FMN1: variants seen among roughly 807,000 people sequenced by gnomAD.
FMN1 encodes formin 1, also known as formin-1.
In FMN1, 110 loss-of-function variants were observed where a neutral mutation model predicts 132.4. The observed-to-expected ratio is 0.83, with a 90% CI of 0.71 to 0.97. The LOEUF is 0.97. FMN1 is among the 50% of genes least tolerant of loss of function. The pLI, the probability that FMN1 is intolerant of heterozygous loss-of-function variation, is 0.00. For missense variants in FMN1, 1,792 were observed against 1,705.3 expected (o/e 1.05, Z -0.90); for synonymous variants, 722 against 651.7 (o/e 1.11, Z -1.64).
intron 6 of FMN1, among the ~76,000 whole-genome samples, chr15:33,020,661 C>G (rs1217937394): frequency 6.7e-6 from 1 of 149,620 alleles, no homozygotes; most frequent in African/African-American, 2.5e-5. Context: ...AAAAAAGACA[C>G]TATGCTTAGT....
intron 17 of FMN1, among the ~76,000 whole-genome samples, chr15:32,852,199 A>G (rs553850699): frequency 5.3e-5 from 8 of 152,256 alleles, no homozygotes; most frequent in East Asian, 1.9e-4. Flanking sequence ...AGTTGACCTC[A>G]CTGTCTTCCA....
intron 5 of FMN1, among the ~76,000 whole-genome samples, chr15:33,086,532 A>G (rs1295781035): frequency 6.6e-6 from 1 of 152,154 alleles, no homozygotes; most frequent in Non-Finnish European, 1.5e-5. Flanking sequence ...GAAAACCAGA[A>G]ATACACAGTT....
intron 2 of FMN1, among the ~76,000 whole-genome samples, chr15:33,182,441 C>T (rs561414586): frequency 1.3e-5 from 2 of 152,332 alleles, no homozygotes; most frequent in South Asian, 2.1e-4. Flanking sequence ...CTTGACTAAT[C>T]GCCCTCAACC....
intron 11 of FMN1, among the ~76,000 whole-genome samples, chr15:32,909,663 T>A (rs575892954): frequency 1.3e-5 from 2 of 152,188 alleles, no homozygotes; most frequent in South Asian, 4.1e-4. Flanking sequence ...CTTAAGAGAA[T>A]GTGGTTCAAT....
intron 9 of FMN1, among the ~76,000 whole-genome samples, chr15:32,930,925 C>T (rs1284787767): frequency 6.6e-6 from 1 of 152,096 alleles, no homozygotes; most frequent in Non-Finnish European, 1.5e-5. Context: ...GCCAGTTCTC[C>T]TAGCACTATC....
chr15:33,001,785 G>A (rs59501768), intron 7 of FMN1, among the ~76,000 whole-genome samples: 2,064 of 147,422 alleles, frequency 0.014, 49 homozygotes, highest in African/African-American at 0.047. Context: ...GGTGGTGCGC[G>A]CATGCAGCAT....
chr15:32,868,754 T>A (rs2059450595), intron 16 of FMN1, among the ~76,000 whole-genome samples: 1 of 152,070 alleles, frequency 6.6e-6, no homozygotes, highest in Non-Finnish European at 1.5e-5. Flanking sequence ...CATTTTTTTT[T>A]AAATCCCTGT....
intron 17 of FMN1, among the ~76,000 whole-genome samples, chr15:32,813,381 T>C (rs778446596): frequency 6.6e-6 from 1 of 152,172 alleles, no homozygotes; most frequent in Non-Finnish European, 1.5e-5. Context: ...GGGATCTAAA[T>C]GAAGTATATT....
At chr15:33,081,358 AT>A (rs2038450894) in intron 5 of FMN1, among the ~76,000 whole-genome samples, 1 of 152,206 alleles carries the variant, frequency 6.6e-6, no homozygotes, top group Non-Finnish European at 1.5e-5. Context: ...TACGTGTGAT[AT>A]TTTGATACTT....
intron 7 of FMN1, 129 bp downstream of exon 7, chr15:33,007,884 CT>C (rs1484926842): frequency 1.5e-6 from 1 of 664,730 alleles, no homozygotes; most frequent in Non-Finnish European, 2.6e-6. Context: ...GACACAGTGC[CT>C]ACTGGCAGCT....
intron 9 of FMN1, among the ~76,000 whole-genome samples, chr15:32,946,200 C>T (rs2061507444): frequency 6.6e-6 from 1 of 152,128 alleles, no homozygotes; most frequent in Middle Eastern, 3.2e-3. Flanking sequence ...TAGTCTTATC[C>T]TCCTTCTTAC....
intron 5 of FMN1, among the ~76,000 whole-genome samples, chr15:33,084,036 C>G (rs1356873133): frequency 2.6e-5 from 4 of 152,206 alleles, no homozygotes; most frequent in African/African-American, 7.2e-5. Context: ...ACCCTCAATT[C>G]CAGGAAATCC....
At chr15:32,799,571 G>A (rs554589095) in intron 18 of FMN1, among the ~76,000 whole-genome samples, 4 of 152,174 alleles carry the variant, frequency 2.6e-5, no homozygotes, top group Non-Finnish European at 5.9e-5. Flanking sequence ...AACCACTGAT[G>A]TACAAAAACA....
At chr15:32,980,645 A>C (rs1300789801) in intron 7 of FMN1, among the ~76,000 whole-genome samples, 1 of 152,172 alleles carries the variant, frequency 6.6e-6, no homozygotes, top group South Asian at 2.1e-4. Context: ...TGGAATACCA[A>C]ATTTTCTCTG....
Position 32,908,534 on chromosome 15 carries a change from C to T in FMN1, c.3333G>A (p.Glu1111=). ...GCTTCAGTTCTTCTTCTTTGGATGT[C>T]TCGTAATACTTTCTTATTTTAACCA... is the stretch of plus-strand genomic sequence containing the variant. ...DELVKIRKYY[E]TSKEEELKLL... The change falls in exon 12 of 21, where the codon GAG becomes GAA. Residue 1111 remains glutamate (E), a synonymous_variant. Coordinates refer to ENST00000616417, the MANE Select transcript of FMN1 (RefSeq NM_001277313.2). The T allele has an allele frequency of 6.2e-7, 1 of 1,606,610 alleles. No homozygotes were observed. The highest frequency in any genetic ancestry group is 8.5e-7 in the Non-Finnish European group (1 of 1,176,954).
At chr15:33,016,157 G>C in intron 6 of FMN1, among the ~76,000 whole-genome samples, 1 of 152,134 alleles carries the variant, frequency 6.6e-6, no homozygotes, top group Non-Finnish European at 1.5e-5. Flanking sequence ...GTATAAATAT[G>C]TATCAAATTT....
intron 5 of FMN1, among the ~76,000 whole-genome samples, chr15:33,086,317 T>TA (rs5811730): frequency 0.55 from 81,749 of 148,668 alleles, 22,896 homozygotes; most frequent in African/African-American, 0.57. Flanking sequence ...CTTTTATGTT[T>TA]AAAAAAAATC....
intron 4 of FMN1, among the ~76,000 whole-genome samples, chr15:33,146,517 G>GC (rs11440517): frequency 0.13 from 19,207 of 151,972 alleles, 2,434 homozygotes; most frequent in East Asian, 0.6. Context: ...AAGGCTCTGA[G>GC]CCTTGTTTCA....
intron 7 of FMN1, among the ~76,000 whole-genome samples, chr15:33,001,032 C>G (rs2034071442): frequency 6.6e-6 from 1 of 152,188 alleles, no homozygotes; most frequent in South Asian, 2.1e-4. Flanking sequence ...CCTGTAATCC[C>G]AGCACTTTGG....
Sources: gnomAD v4.1 joint callset for allele counts (sites outside exome capture counted in the v4.1 genomes callset) on GRCh38, gnomAD v4.1.1 for gene constraint, MANE v1.5 for transcripts, NCBI Gene and HGNC (gene_info 2026-07-23, HGNC 2026-07-21) for gene names.